COL6A5: variants seen among roughly 807,000 people sequenced by gnomAD.
The protein encoded by COL6A5 is collagen type VI alpha 5 chain.
In COL6A5, 48 loss-of-function variants were observed where a neutral mutation model predicts 65.6. That is an observed-to-expected ratio of 0.73 (90% CI 0.58 to 0.93). The LOEUF (loss-of-function observed/expected upper bound fraction) is 0.93, where lower values mean the gene tolerates loss of function less well. Ranked by LOEUF, COL6A5 falls within the 40% of genes least tolerant of loss-of-function variation. COL6A5 has a pLI of 0.00. For synonymous variants in COL6A5, 291 were observed against 322.8 expected, an observed-to-expected ratio of 0.90 and a Z score of 1.05; for missense variants, 914 against 928.3, an observed-to-expected ratio of 0.98 and a Z score of 0.20.
At chr3:130,418,793 G>A (rs1937436682) in intron 24 of COL6A5, 76 bp from the exon 25 acceptor site, 15 of 1,149,358 alleles carry the variant, frequency 1.3e-5, no homozygotes, top group East Asian at 1.0e-4. Context: ...TCTCCTCATC[G>A]AGTGGACAGA....
intron 7 of COL6A5, among the ~76,000 whole-genome samples, chr3:130,479,015 A>T (rs1246923562): frequency 1.3e-5 from 2 of 151,916 alleles, no homozygotes; most frequent in Admixed American, 1.3e-4. Flanking sequence ...TGTATATTGG[A>T]GATATATTGA....
At chr3:130,447,202 A>C (rs932436336) in intron 4 of COL6A5, among the ~76,000 whole-genome samples, 1 of 152,176 alleles carries the variant, frequency 6.6e-6, no homozygotes, top group Non-Finnish European at 1.5e-5. Context: ...AACATGGGTC[A>C]TGCCTTCCCC....
chr3:130,367,138 G>C (rs1935370558), intron 1 of COL6A5, among the ~76,000 whole-genome samples: 1 of 152,200 alleles, frequency 6.6e-6, no homozygotes, highest in Non-Finnish European at 1.5e-5. Flanking sequence ...CCGTGTTTCT[G>C]ATAGGTCTTA....
chr3:130,455,187 C>G (rs1709541310), intron 4 of COL6A5, among the ~76,000 whole-genome samples: 1 of 150,608 alleles, frequency 6.6e-6, no homozygotes, highest in Non-Finnish European at 1.5e-5. Flanking sequence ...AAACTCTGCA[C>G]AAATCAAACT....
chr3:130,412,613 C>T (rs1280253164), intron 20 of COL6A5, among the ~76,000 whole-genome samples: 1 of 152,136 alleles, frequency 6.6e-6, no homozygotes, highest in Non-Finnish European at 1.5e-5. Flanking sequence ...TTTACTGTTT[C>T]TTCTCTGCTT....
At position 130,477,845 on chromosome 3, in the gene COL6A5, G is replaced by A. The variant is rs574018051; in HGVS notation, c.2329-6190G>A. On this transcript the variant is annotated intron_variant, in intron 7 of 7. Coordinates refer to ENST00000512836, the Ensembl canonical transcript of COL6A5. ...AGAAATCACTGATAAGTAGATATGG[G>A]TTTTTCTGCAGGACTTTTTATTGTC... Among the ~76,000 whole-genome samples the A allele has an allele frequency of 1.1e-4, 16 of 152,144 alleles. No individual in the cohort carries two copies. In the South Asian group the frequency reaches 3.3e-3, roughly 32 times the overall value.
intron 5 of COL6A5, among the ~76,000 whole-genome samples, chr3:130,456,343 G>A (rs1247563551): frequency 6.6e-6 from 1 of 152,002 alleles, no homozygotes; most frequent in Non-Finnish European, 1.5e-5. Context: ...AGGTGGGAAT[G>A]GGTAATGGGT....
chr3:130,373,341 T>C (rs1030677823), intron 1 of COL6A5, among the ~76,000 whole-genome samples: 3 of 152,186 alleles, frequency 2.0e-5, no homozygotes, highest in Non-Finnish European at 4.4e-5. Context: ...GTGTAGTAAT[T>C]GTACCTCCCT....
chr3:130,391,250 C>G, exon 7 of COL6A5: 2 of 1,551,580 alleles, frequency 1.3e-6, no homozygotes, highest in Non-Finnish European at 1.7e-6. Flanking sequence ...AAAACAATAT[C>G]AAGATCACAT....
intron 5 of COL6A5, among the ~76,000 whole-genome samples, chr3:130,467,588 A>C (rs141185887): frequency 1.8e-4 from 28 of 152,134 alleles, no homozygotes; most frequent in African/African-American, 6.3e-4. Context: ...TAAATCCAAC[A>C]ATAGATTTGT....
rs147182743 is a variant in COL6A5 at position 130,432,915 on chromosome 3, C to A, written c.487+966C>A. On this transcript the variant is annotated intron_variant, in intron 1 of 7. Transcript: ENST00000512836. ...CCCTTCCTCCTAAGAAACTTAAAAACCTCTTCATCTGTTCAACAACTTTTC... is the reference window on the plus strand; with the variant it reads ...CCCTTCCTCCTAAGAAACTTAAAAAACTCTTCATCTGTTCAACAACTTTTC... Among the ~76,000 whole-genome samples the A allele has an allele frequency of 7.9e-5, 12 of 152,268 alleles. No homozygotes were observed. The East Asian group carries it at 2.1e-3, about 27-fold the overall frequency.
At chr3:130,463,433 C>T (rs1420301511) in intron 5 of COL6A5, among the ~76,000 whole-genome samples, 2 of 152,044 alleles carry the variant, frequency 1.3e-5, no homozygotes, top group Admixed American at 1.3e-4. Flanking sequence ...TCCAGATGGC[C>T]CAAGTCCTTC....
chr3:130,408,282 AG>A (rs1577478579), intron 17 of COL6A5, among the ~76,000 whole-genome samples: 2 of 13,272 alleles, frequency 1.5e-4, no homozygotes, highest in African/African-American at 5.3e-4. Context: ...GGGTGGTGGC[AG>A]GGGGTGGGGG....
rs1188414764 is a variant in COL6A5 at position 130,366,804 on chromosome 3, G to A, written c.-28-6807G>A. ...TCACTATGCACCTACTATGGGGTAGGCATTGAAGTAAATGCCATAGACAGT... is the reference window on the plus strand; with the variant it reads ...TCACTATGCACCTACTATGGGGTAGACATTGAAGTAAATGCCATAGACAGT... On this transcript the variant is annotated intron_variant and NMD_transcript_variant, in intron 1 of 41. Transcript: ENST00000312481. Among the ~76,000 whole-genome samples, 3 of 152,170 alleles carry A rather than the reference G, an allele frequency of 2.0e-5. No homozygotes were observed. The East Asian group carries it at 5.8e-4, about 29-fold the overall frequency.
chr3:130,437,153 G>A (rs1280610722), intron 1 of COL6A5, among the ~76,000 whole-genome samples: 1 of 151,928 alleles, frequency 6.6e-6, no homozygotes, highest in African/African-American at 2.4e-5. Context: ...TAACTTTAAT[G>A]TGTGCGTATA....
rs6790871 is a variant in COL6A5, at chr3:130,347,756, C to A, written c.-29+1775C>A. ...ATCCTCCAGCTCTGAGAGTGGAGGG[C>A]ACAAATTCACTTGGAATGTGTACTT... On this transcript the variant is annotated intron_variant and NMD_transcript_variant, in intron 1 of 41. Transcript: ENST00000312481. Among the ~76,000 whole-genome samples the A allele has an allele frequency of 9.6e-3, 1,461 of 152,232 alleles. 33 individuals are homozygous for A. The highest frequency in any genetic ancestry group is 0.034 in the African/African-American group (1,397 of 41,534).
chr3:130,376,652 G>C (rs1309877448), exon 3 of COL6A5: 1 of 1,613,082 alleles, frequency 6.2e-7, no homozygotes, highest in African/African-American at 1.3e-5. Context: ...AGAAAGACGG[G>C]GTGAAAATTA....
chr3:130,429,077 AG>A (rs929275878), upstream of COL6A5, among the ~76,000 whole-genome samples: 100 of 152,132 alleles, frequency 6.6e-4, no homozygotes, highest in African/African-American at 1.7e-3. Context: ...ACTCAAACAG[AG>A]GAGCTGTTTT....
In COL6A5 at chr3:130,349,978, A is replaced by G. The variant is rs140116096; in HGVS notation, c.-29+3997A>G. Among the ~76,000 whole-genome samples, 8 of 152,302 alleles carry G rather than the reference A, an allele frequency of 5.3e-5. No homozygotes were observed. The East Asian group carries it at 9.6e-4, about 18-fold the overall frequency. On this transcript the variant is annotated intron_variant and NMD_transcript_variant, in intron 1 of 41. Coordinates refer to the COL6A5 transcript ENST00000312481. ...TGGCAGTTGGAGCTCTAAATGTTAT[A>G]TCTGTATTTAGTGTAGTAAGAAGAA...
Sources: allele counts gnomAD v4.1 joint callset (sites outside exome capture counted in the v4.1 genomes callset), GRCh38; gene constraint gnomAD v4.1.1; transcripts MANE v1.5; gene names NCBI Gene and HGNC (gene_info 2026-07-23, HGNC 2026-07-21).